Variants in EYS observed in about 807,000 individuals in gnomAD.
The protein encoded by EYS is EGF-like photoreceptor maintenance factor.
In EYS, 250 loss-of-function variants were observed where a neutral mutation model predicts 282.1. The observed-to-expected ratio is 0.89, with a 90% CI of 0.80 to 0.98. The LOEUF (loss-of-function observed/expected upper bound fraction) is 0.98, where lower values mean the gene tolerates loss of function less well. Ranked by LOEUF, EYS falls within the 50% of genes least tolerant of loss-of-function variation. EYS has a pLI of 0.00. For missense variants in EYS, 4,016 were observed against 3,709.0 expected (o/e 1.08, Z -2.15); for synonymous variants, 1,355 against 1,282.9 (o/e 1.06, Z -1.20).
In EYS at chr6:64,945,755, A is replaced by C. The variant is rs971020228; in HGVS notation, c.2381+38T>G. The C allele has an allele frequency of 1.5e-5, 23 of 1,538,886 alleles. No individual in the cohort carries two copies. The Admixed American group carries it at 4.5e-4, about 30-fold the overall frequency. ...TATCCCAAGGACACTGAGCACTCCA[A>C]GTAATTTCATGAAGAAAGCTAAAAA... On this transcript the variant is annotated intron_variant, in intron 15 of 42. Transcript: ENST00000503581.
At chr6:64,288,231 C>T (rs1768571145) in intron 30 of EYS, among the ~76,000 whole-genome samples, 2 of 152,012 alleles carry the variant, frequency 1.3e-5, no homozygotes, top group Non-Finnish European at 2.9e-5. Context: ...ATGTTTTTTT[C>T]CTGCTACCTT....
Position 64,797,611 on chromosome 6 carries a change from T to C in EYS, c.3443+15767A>G, listed in dbSNP as rs149794794. Reference sequence around the variant, plus strand: ...AGCTTATCTCCATTTTTTCTGAGTTTAGGATTATACTTATAAAATAAAGGT... The same window carrying C: ...AGCTTATCTCCATTTTTTCTGAGTTCAGGATTATACTTATAAAATAAAGGT... On this transcript the variant is annotated intron_variant, in intron 22 of 42. Transcript: ENST00000503581. 1.1e-3 allele frequency among the ~76,000 whole-genome samples: 168 copies of C among 152,182 alleles called. 1 individual carries two copies. The highest frequency in any genetic ancestry group is 3.7e-3 in the African/African-American group (154 of 41,564).
intron 35 of EYS, among the ~76,000 whole-genome samples, chr6:63,913,521 C>A (rs1764333670): frequency 6.6e-6 from 1 of 152,166 alleles, no homozygotes; most frequent in Admixed American, 6.5e-5. Context: ...TAGTTTTAGG[C>A]AACTACTCAT....
chr6:64,863,932 A>G (rs1358018924), intron 19 of EYS, among the ~76,000 whole-genome samples: 4 of 152,132 alleles, frequency 2.6e-5, no homozygotes, highest in African/African-American at 9.7e-5. Context: ...TCAACCCTGC[A>G]ATCTGATCTC....
At chr6:65,332,477 C>A in intron 11 of EYS, 1 of 1,249,762 alleles carries the variant, frequency 8.0e-7, no homozygotes, top group South Asian at 1.3e-5. Flanking sequence ...ATATTTAAGT[C>A]TATGCATTAT....
At chr6:64,697,975 A>T (rs1023722634) in intron 22 of EYS, among the ~76,000 whole-genome samples, 3 of 152,050 alleles carry the variant, frequency 2.0e-5, no homozygotes, top group African/African-American at 7.2e-5. Flanking sequence ...AAAAAAATCA[A>T]AATTAGATTA....
At chr6:65,108,492 T>C (rs1405887483) in intron 12 of EYS, among the ~76,000 whole-genome samples, 1 of 152,104 alleles carries the variant, frequency 6.6e-6, no homozygotes, top group Admixed American at 6.6e-5. Flanking sequence ...GATATGGGTA[T>C]TGCCATGTTG....
chr6:64,325,970 T>C (rs1738790501), intron 29 of EYS, among the ~76,000 whole-genome samples: 1 of 152,126 alleles, frequency 6.6e-6, no homozygotes, highest in Admixed American at 6.6e-5. Context: ...TCTAAAAGTT[T>C]GGAAAACATA....
chr6:65,317,072 G>C (rs1167266264), intron 11 of EYS, among the ~76,000 whole-genome samples: 2 of 152,042 alleles, frequency 1.3e-5, no homozygotes, highest in South Asian at 2.1e-4. Flanking sequence ...CTTTATGTTT[G>C]TAAGGCTTAG....
rs1182447821 is a variant in EYS at position 64,591,522 on chromosome 6, G to A, written c.4345C>T (p.Leu1449=). The A allele has an allele frequency of 1.3e-6, 2 of 1,551,176 alleles. No homozygotes were observed. The highest frequency in any genetic ancestry group is 1.7e-6 in the Non-Finnish European group (2 of 1,146,754). Residue 1449 remains leucine (L), a synonymous_variant, in exon 26 of 43, where the codon CTG becomes TTG. Transcript: ENST00000503581. ...GCACTTATGGAGGCAGCTATAAGCA[G>A]GAATCCACGGGAGAGTAATGACTGC... ...NRQSLLSRGF[L]LIAASISATP... is the part of the protein sequence containing the mutation.
intron 30 of EYS, among the ~76,000 whole-genome samples, chr6:64,294,369 T>C (rs548545840): frequency 6.6e-6 from 1 of 152,330 alleles, no homozygotes; most frequent in Admixed American, 6.5e-5. Flanking sequence ...TTAAAAAATG[T>C]GTCACTGAGC....
intron 13 of EYS, among the ~76,000 whole-genome samples, chr6:65,008,684 C>T (rs569898142): frequency 1.6e-4 from 24 of 152,290 alleles, no homozygotes; most frequent in African/African-American, 3.8e-4. Flanking sequence ...CCCCAAGGGA[C>T]GAAGGTCCTC....
chr6:64,988,890 T>A (rs1770955873), intron 14 of EYS, among the ~76,000 whole-genome samples: 1 of 151,534 alleles, frequency 6.6e-6, no homozygotes, highest in Non-Finnish European at 1.5e-5. Flanking sequence ...AGTGACTGAA[T>A]TACAGCTCAC....
intron 1 of EYS, among the ~76,000 whole-genome samples, chr6:65,646,696 A>G (rs12207318): frequency 0.35 from 52,984 of 152,014 alleles, 11,611 homozygotes; most frequent in Non-Finnish European, 0.48. Flanking sequence ...AGAAAGAGAT[A>G]AAAGACATCC....
chr6:65,654,163 G>T (rs1216578376), intron 1 of EYS, among the ~76,000 whole-genome samples: 6 of 151,806 alleles, frequency 4.0e-5, no homozygotes. Flanking sequence ...TTATTTATTA[G>T]TTCTCAAAAC....
chr6:64,418,224 T>TA (rs1365545567), intron 28 of EYS, among the ~76,000 whole-genome samples: 6 of 151,450 alleles, frequency 4.0e-5, no homozygotes, highest in Admixed American at 6.6e-5. Flanking sequence ...ACACCTTGTT[T>TA]AAAAAAAAAT....
chr6:64,039,771 C>T (rs1446672496), intron 33 of EYS, among the ~76,000 whole-genome samples: 1 of 152,124 alleles, frequency 6.6e-6, no homozygotes, highest in African/African-American at 2.4e-5. Flanking sequence ...GAAAGCTACA[C>T]ATTTTATTAT....
intron 26 of EYS, among the ~76,000 whole-genome samples, chr6:64,449,110 A>T (rs1356191865): frequency 1.3e-5 from 2 of 152,194 alleles, no homozygotes; most frequent in Non-Finnish European, 2.9e-5. Context: ...AACTTTAAAA[A>T]AAAATTAGAC....
chr6:64,845,350 C>T (rs569470636), intron 19 of EYS, among the ~76,000 whole-genome samples: 22 of 151,970 alleles, frequency 1.4e-4, no homozygotes, highest in Non-Finnish European at 3.2e-4. Context: ...TGGCTCTTCC[C>T]CTTTGTGTAT....
Sources: gnomAD v4.1 joint callset for allele counts (sites outside exome capture counted in the v4.1 genomes callset) on GRCh38, gnomAD v4.1.1 for gene constraint, MANE v1.5 for transcripts, NCBI Gene and HGNC (gene_info 2026-07-23, HGNC 2026-07-21) for gene names.